CEP135: variants seen among roughly 807,000 people sequenced by gnomAD.
CEP135 encodes the protein centrosomal protein of 135 kDa.
Under a neutral mutation model 157.3 loss-of-function variants are expected in CEP135, and 142 were observed. That is an observed-to-expected ratio of 0.90 (90% CI 0.79 to 1.04). The LOEUF is 1.04. Ranked by LOEUF, CEP135 falls within the 50% of genes least tolerant of loss-of-function variation. The pLI is 0.00. For synonymous variants in CEP135, 396 were observed against 439.8 expected, an observed-to-expected ratio of 0.90 and a Z score of 1.25; for missense variants, 1,317 against 1,309.2, an observed-to-expected ratio of 1.01 and a Z score of -0.09.
chr4:55,989,467 T>C (rs1294403981), intron 14 of CEP135, among the ~76,000 whole-genome samples: 2 of 152,188 alleles, frequency 1.3e-5, no homozygotes, highest in Non-Finnish European at 2.9e-5. Flanking sequence ...GGTGCCAGAA[T>C]GTGTGCCCCT....
rs538877211 is a variant in CEP135, at chr4:55,979,610, A to G, written c.1474-533A>G. Among the ~76,000 whole-genome samples, 5 of 152,324 alleles carry G rather than the reference A, an allele frequency of 3.3e-5. No homozygotes were observed. The East Asian group carries it at 9.6e-4, about 29-fold the overall frequency. ...TTACAGTTACCTGTACTGGGCGAGC[A>G]GGCACACAAGTACCCTGCTGGCCCC... is the stretch of plus-strand genomic sequence containing the variant. On this transcript the variant is annotated intron_variant, in intron 11 of 25. Transcript: ENST00000257287.
chr4:56,018,577 G>A (rs563445997), intron 22 of CEP135, among the ~76,000 whole-genome samples: 1 of 152,130 alleles, frequency 6.6e-6, no homozygotes, highest in Non-Finnish European at 1.5e-5. Flanking sequence ...GGATAGCATG[G>A]CAAAACCCCG....
intron 17 of CEP135, among the ~76,000 whole-genome samples, chr4:56,006,064 C>T (rs1730337217): frequency 6.6e-6 from 1 of 152,166 alleles, no homozygotes; most frequent in Non-Finnish European, 1.5e-5. Flanking sequence ...TTGGGGCAGT[C>T]TTTTTGGGGT....
chr4:55,964,811 A>T (rs1728792408), intron 7 of CEP135: 1 of 151,436 alleles, frequency 6.6e-6, no homozygotes, highest in African/African-American at 2.4e-5. Flanking sequence ...CTTTTTTAAA[A>T]TTTTTATGAG....
chr4:55,964,025 T>A (rs1164184316), intron 6 of CEP135, among the ~76,000 whole-genome samples: 1 of 151,948 alleles, frequency 6.6e-6, no homozygotes, highest in South Asian at 2.1e-4. Context: ...AATACAAAAA[T>A]TAAATTAGGA....
intron 21 of CEP135, among the ~76,000 whole-genome samples, chr4:56,012,632 A>G (rs1033091654): frequency 2.8e-4 from 42 of 151,904 alleles, no homozygotes; most frequent in African/African-American, 9.7e-4. Flanking sequence ...GAATCACACA[A>G]TGTTTGTCCT....
chr4:55,997,529 C>T (rs913122214), intron 15 of CEP135, among the ~76,000 whole-genome samples: 1 of 152,186 alleles, frequency 6.6e-6, no homozygotes, highest in Non-Finnish European at 1.5e-5. Context: ...TGAAAGGACT[C>T]CGTATAGCTT....
intron 11 of CEP135, among the ~76,000 whole-genome samples, chr4:55,977,376 T>G (rs569809940): frequency 1.3e-5 from 2 of 152,306 alleles, no homozygotes; most frequent in Middle Eastern, 3.4e-3. Context: ...TTGAGTATGG[T>G]GTAGGCAGAA....
intron 20 of CEP135, 24 bp from the exon 21 acceptor site, chr4:56,011,776 A>G: frequency 6.5e-7 from 1 of 1,543,606 alleles, no homozygotes; most frequent in Non-Finnish European, 8.7e-7. Flanking sequence ...TAATTTAGAA[A>G]CAATTTTATT....
intron 3 of CEP135, 85 bp downstream of exon 3, chr4:55,953,360 C>T: frequency 9.6e-7 from 1 of 1,040,996 alleles, no homozygotes; most frequent in East Asian, 2.7e-5. Context: ...AATTTTAAAA[C>T]TATTGATTAG....
chr4:55,984,013 T>C (rs1729496388), intron 13 of CEP135, among the ~76,000 whole-genome samples: 1 of 152,200 alleles, frequency 6.6e-6, no homozygotes, highest in Non-Finnish European at 1.5e-5. Flanking sequence ...TTGTTCTCCC[T>C]CACCTGCATT....
intron 8 of CEP135, among the ~76,000 whole-genome samples, chr4:55,967,132 C>T (rs1728869277): frequency 6.6e-6 from 1 of 151,182 alleles, no homozygotes; most frequent in Admixed American, 6.6e-5. Context: ...ATTCTGACAG[C>T]CTGATGGGAA....
In CEP135 at chr4:56,016,422, C is replaced by A. The variant is rs544020264; in HGVS notation, c.2803-1226C>A. Among the ~76,000 whole-genome samples the A allele has an allele frequency of 1.3e-3, 191 of 152,174 alleles. 3 individuals carry two copies. The highest frequency in any genetic ancestry group is 1.2e-3 in the Non-Finnish European group (79 of 68,024). ...ACTAATTAAAGGAGTGCCTTTCAAC[C>A]TTCAAAAGAGTTTTTCAGCAACTGT... On this transcript the variant is annotated intron_variant, in intron 21 of 25. Transcript: ENST00000257287.
intron 21 of CEP135, among the ~76,000 whole-genome samples, chr4:56,014,759 T>C (rs1344933343): frequency 1.3e-5 from 2 of 152,030 alleles, no homozygotes; most frequent in African/African-American, 4.8e-5. Flanking sequence ...CCAGGTGTGG[T>C]AGCTGACACC....
intron 14 of CEP135, among the ~76,000 whole-genome samples, chr4:55,990,072 T>A (rs562731838): frequency 1.3e-5 from 2 of 152,368 alleles, no homozygotes; most frequent in East Asian, 3.9e-4. Flanking sequence ...TTCTTTTTTC[T>A]TGTAAATTTT....
At chr4:56,023,344 T>C (rs1731030493) in intron 24 of CEP135, among the ~76,000 whole-genome samples, 1 of 151,950 alleles carries the variant, frequency 6.6e-6, no homozygotes, top group South Asian at 2.1e-4. Context: ...CCAGAAGATG[T>C]AGTGTCATGC....
Position 55,979,358 on chromosome 4 carries a change from T to G in CEP135, c.1474-785T>G, listed in dbSNP as rs376801524. Among the ~76,000 whole-genome samples, 28 of 152,366 alleles carry G rather than the reference T, an allele frequency of 1.8e-4. No homozygotes were observed. In the East Asian group the frequency reaches 3.9e-3, roughly 21 times the overall value. The stretch of plus-strand genomic sequence containing the variant: ...AGACAGTGAATCTTTTGAATTGTAC[T>G]AAATTGTAGGCATCTTTTAAATTGC... On this transcript the variant is annotated intron_variant, in intron 11 of 25. Transcript: ENST00000257287.
chr4:55,961,762 T>G (rs1251607502), intron 6 of CEP135, among the ~76,000 whole-genome samples: 1 of 69,456 alleles, frequency 1.4e-5, no homozygotes, highest in African/African-American at 5.9e-5. Context: ...GAAAACTCTG[T>G]CTAAAAAAAA....
At chr4:55,956,486 T>C (rs749206671) in intron 4 of CEP135, among the ~76,000 whole-genome samples, 1 of 152,244 alleles carries the variant, frequency 6.6e-6, no homozygotes. Flanking sequence ...CTAACTTTGC[T>C]ACTTACAATT....
Sources: gnomAD v4.1 joint callset for allele counts (sites outside exome capture counted in the v4.1 genomes callset) on GRCh38, gnomAD v4.1.1 for gene constraint, MANE v1.5 for transcripts, NCBI Gene and HGNC (gene_info 2026-07-23, HGNC 2026-07-21) for gene names.